BRD1: variants seen among roughly 807,000 people sequenced by gnomAD.
The protein encoded by BRD1 is bromodomain containing 1.
A neutral mutation model predicts 107.7 loss-of-function variants in BRD1; 24 were observed. That is an observed-to-expected ratio of 0.22 (90% CI 0.16 to 0.31). BRD1 has a LOEUF of 0.31. Ranked by LOEUF, BRD1 falls within the 10% of genes least tolerant of loss-of-function variation. The pLI, the probability that BRD1 is intolerant of heterozygous loss-of-function variation, is 1.00. For missense variants in BRD1, 1,279 were observed against 1,638.6 expected, an observed-to-expected ratio of 0.78 and a Z score of 3.79; for synonymous variants, 744 against 686.1, an observed-to-expected ratio of 1.08 and a Z score of -1.32.
Position 49,774,236 on chromosome 22 carries a change from G to A in BRD1, c.3567C>T (p.Asp1189=). The change falls in exon 13 of 13, where the codon GAC becomes GAT. Residue 1189 remains aspartate (D), a synonymous_variant. Transcript: ENST00000404760. ...GEPTSDLSDI[D] ...ACCCGCGCTGGCGGCCGGGCCGTCA[G>A]TCAATGTCACTGAGGTCGCTGGTCG... 2 of 1,613,172 alleles carry A rather than the reference G, an allele frequency of 1.2e-6. No homozygotes were observed. The highest frequency in any genetic ancestry group is 1.7e-6 in the Non-Finnish European group (2 of 1,179,354).
chr22:49,782,955 C>CA (rs2059241604), intron 8 of BRD1, among the ~76,000 whole-genome samples: 1 of 133,506 alleles, frequency 7.5e-6, no homozygotes, highest in Non-Finnish European at 1.6e-5. Flanking sequence ...TGGGGACAGT[C>CA]AGAGACAGAC....
Position 49,777,828 on chromosome 22 carries a change from G to C in BRD1, c.2858-15C>G. The C allele has an allele frequency of 6.3e-7, 1 of 1,589,234 alleles. No homozygotes were observed. The highest frequency in any genetic ancestry group is 8.5e-7 in the Non-Finnish European group (1 of 1,171,826). ...GTTGGTGAGACCTGGAACACAGGCGGGCAGGCCCTGAGCTCAGCACAACCA... is the reference window on the plus strand; with the variant it reads ...GTTGGTGAGACCTGGAACACAGGCGCGCAGGCCCTGAGCTCAGCACAACCA... On this transcript the variant is annotated splice_polypyrimidine_tract_variant and intron_variant, in intron 8 of 12. Transcript: ENST00000404760.
chr22:49,827,064 C>A (rs887049580), intron 1 of BRD1, among the ~76,000 whole-genome samples: 2 of 151,986 alleles, frequency 1.3e-5, no homozygotes, highest in African/African-American at 4.8e-5. Flanking sequence ...AGGGAGTTCC[C>A]GTCTTGGCAG....
intron 6 of BRD1, among the ~76,000 whole-genome samples, chr22:49,794,610 G>C (rs1208021326): frequency 1.3e-5 from 2 of 152,254 alleles, no homozygotes; most frequent in African/African-American, 2.4e-5. Context: ...TGTGCAGACA[G>C]CCTGGCTGCC....
In BRD1 at chr22:49,773,649, T is replaced by C. The variant is rs199566389; in HGVS notation, c.*584A>G. The C allele has an allele frequency of 1.3e-5, 2 of 152,644 alleles. No individual in the cohort carries two copies. The highest frequency in any genetic ancestry group is 1.9e-4 in the East Asian group (1 of 5,196). The allele number at this position is 152,644 out of a possible 1,614,324, so 9.5% of individuals were successfully genotyped here. A position where few individuals can be genotyped will look rare whatever the true frequency, so the allele number is the denominator to read the frequency against. ...AATGTATTTTTCATTATAAAGCAAA[T>C]GAATACACTTTCTACAATAAATAAT... is the stretch of plus-strand genomic sequence containing the variant. On this transcript the variant is annotated 3_prime_UTR_variant, in exon 13 of 13. Transcript: ENST00000404760.
chr22:49,796,902 A>C lies in BRD1; in HGVS notation c.2098+903T>G, dbSNP rs1274894153. ...GGAAGAGGGCCAGGCCTCATCCCAGAAGAAGCGACCTAGCACGGGTCAGTG... is the reference window on the plus strand; with the variant it reads ...GGAAGAGGGCCAGGCCTCATCCCAGCAGAAGCGACCTAGCACGGGTCAGTG... On this transcript the variant is annotated intron_variant, in intron 6 of 12. Transcript: ENST00000404760. Among the ~76,000 whole-genome samples the C allele has an allele frequency of 3.3e-5, 5 of 152,246 alleles. No individual in the cohort carries two copies. In the East Asian group the frequency reaches 9.6e-4, roughly 29 times the overall value.
chr22:49,788,911 T>C (rs755663012), intron 7 of BRD1, among the ~76,000 whole-genome samples: 4 of 152,262 alleles, frequency 2.6e-5, no homozygotes, highest in Non-Finnish European at 5.9e-5. Flanking sequence ...CTAAAACCGT[T>C]TGAAGTATGT....
intron 8 of BRD1, among the ~76,000 whole-genome samples, chr22:49,784,704 G>A (rs909197057): frequency 7.2e-5 from 11 of 152,242 alleles, no homozygotes; most frequent in Non-Finnish European, 2.9e-5. Flanking sequence ...CTAAGACTGC[G>A]AAGAACTGCA....
At chr22:49,800,588 G>T (rs916603541) in intron 3 of BRD1, among the ~76,000 whole-genome samples, 6 of 152,144 alleles carry the variant, frequency 3.9e-5, no homozygotes, top group African/African-American at 1.4e-4. Context: ...CCTTTATCAC[G>T]CACTGGCTGC....
chr22:49,824,714 AG>A lies in BRD1; in HGVS notation c.-14-384del. ...TTTCCCAGCATGCAGGCGGTCCCCC[AG>A]GAAGTCCACATACAGGGCTGGACCC... On this transcript the variant is annotated intron_variant, in intron 1 of 12. Coordinates refer to ENST00000404760, the MANE Select transcript of BRD1 (RefSeq NM_001304808.3). The surrounding 1 kb of genome is among the most constrained non-coding windows in gnomAD (Gnocchi z 5.9). 9.3e-7 allele frequency: 1 copy of A among 1,080,568 alleles called. No individual in the cohort carries two copies. The highest frequency in any genetic ancestry group is 1.1e-6 in the Non-Finnish European group (1 of 887,298). 66.9% of individuals were successfully genotyped at this position (1,080,568 alleles called of 1,614,324 possible).
chr22:49,824,851 A>C lies in BRD1; in HGVS notation c.-14-520T>G. The C allele has an allele frequency of 1.0e-6, 1 of 999,120 alleles. No individual in the cohort carries two copies. Among genetic ancestry groups the C allele is most frequent in the Non-Finnish European group, 1.2e-6 (1 of 835,790 alleles). The allele number at this position is 999,120 out of a possible 1,614,324, so 61.9% of individuals were successfully genotyped here. A position where few individuals can be genotyped will look rare whatever the true frequency, so the allele number is the denominator to read the frequency against. On this transcript the variant is annotated intron_variant, in intron 1 of 12. Transcript: ENST00000404760. This position sits in a 1 kb window ranked among gnomAD's most constrained non-coding sequence, Gnocchi z 5.9. ...CCCTCCCCACTACTCCCAGGAGAGCACTCCCATGAGCCCAGAGTCACCACA... is the reference window on the plus strand; with the variant it reads ...CCCTCCCCACTACTCCCAGGAGAGCCCTCCCATGAGCCCAGAGTCACCACA...
Position 49,798,051 on chromosome 22 carries a change from C to T in BRD1, c.1852G>A (p.Ala618Thr). 1 of 1,614,142 alleles carries T rather than the reference C, an allele frequency of 6.2e-7. No individual in the cohort carries two copies. Among genetic ancestry groups the T allele is most frequent in the South Asian group, 1.1e-5 (1 of 91,084 alleles). ...DFATMRKRLE[A>T]QGYKNLHEFE... ...TCATGGAGGTTTTTATACCCTTGAGCTTCTAACCGTTTCCTCATTGTGGCA... is the reference window on the plus strand; with the variant it reads ...TCATGGAGGTTTTTATACCCTTGAGTTTCTAACCGTTTCCTCATTGTGGCA... Residue 618 changes from alanine (A) to threonine (T), a missense_variant, in exon 6 of 13, where the codon GCT (alanine) becomes ACT (threonine). Transcript: ENST00000404760.
intron 2 of BRD1, among the ~76,000 whole-genome samples, chr22:49,813,815 T>A (rs1262409818): frequency 6.9e-6 from 1 of 145,536 alleles, no homozygotes; most frequent in African/African-American, 2.6e-5. Context: ...GGTGACAGAG[T>A]GAGACTCCAT....
rs2060163637 is a variant in BRD1, at chr22:49,827,873, C to A, written c.-391G>T. 6.9e-6 allele frequency among the ~76,000 whole-genome samples: 1 copy of A among 144,078 alleles called. No homozygotes were observed. The highest frequency in any genetic ancestry group is 1.5e-5 in the Non-Finnish European group (1 of 65,448). 94.5% of individuals were successfully genotyped at this position (144,078 alleles called of 152,430 possible). ...TCGCTCCCCAGCGAAGCAAACAATG[C>A]GGCGAGCGCTCCGCCCGGCGCGCTG... On this transcript the variant is annotated 5_prime_UTR_variant, in exon 1 of 13. Coordinates refer to ENST00000404760, the MANE Select transcript of BRD1 (RefSeq NM_001304808.3).
intron 2 of BRD1, among the ~76,000 whole-genome samples, chr22:49,815,334 G>T (rs994989401): frequency 3.9e-5 from 6 of 152,158 alleles, no homozygotes; most frequent in Non-Finnish European, 8.8e-5. Flanking sequence ...AGGTCAGTCA[G>T]GAGTTCGAGA....
At chr22:49,806,423 T>C (rs1271395596) in intron 2 of BRD1, 2 of 151,868 alleles carry the variant, frequency 1.3e-5, no homozygotes, top group Non-Finnish European at 2.9e-5. Flanking sequence ...AGGGAGCTCA[T>C]GTGAGCAAGA....
chr22:49,825,218 G>A (rs1004195004), intron 1 of BRD1, among the ~76,000 whole-genome samples: 15 of 152,072 alleles, frequency 9.9e-5, no homozygotes, highest in African/African-American at 3.6e-4. Context: ...GACGCCAAAG[G>A]GAATCTCTGT....
intron 1 of BRD1, chr22:49,825,747 G>C (rs2060140360): frequency 6.6e-6 from 1 of 152,216 alleles, no homozygotes; most frequent in Admixed American, 6.5e-5. Flanking sequence ...TATTGGGCCT[G>C]AGAAAAAGCC....
At position 49,777,961 on chromosome 22, in the gene BRD1, A is replaced by G. The variant is rs2059133069; in HGVS notation, c.2858-148T>C. On this transcript the variant is annotated intron_variant, in intron 8 of 12. Coordinates refer to ENST00000404760, the MANE Select transcript of BRD1 (RefSeq NM_001304808.3). ...CTTCCTTTTCACTCCCAAGTTCCCG[A>G]GCATAGTCCTTACAGTAAGCAGACA... The G allele has an allele frequency of 7.7e-6, 9 of 1,161,672 alleles. No individual in the cohort carries two copies. The East Asian group carries it at 2.1e-4, about 27-fold the overall frequency. 72.0% of individuals were successfully genotyped at this position (1,161,672 alleles called of 1,614,324 possible). A position where few individuals can be genotyped will look rare whatever the true frequency, so the allele number is the denominator to read the frequency against.
Sources: allele counts gnomAD v4.1 joint callset (sites outside exome capture counted in the v4.1 genomes callset), GRCh38; gene constraint gnomAD v4.1.1; non-coding constraint Gnocchi (gnomAD v3.1); transcripts MANE v1.5; gene names NCBI Gene and HGNC (gene_info 2026-07-23, HGNC 2026-07-21).